The following FOXP2 variants were observed in gnomAD, a reference collection of about 807,000 sequenced individuals.
The protein encoded by FOXP2 is forkhead box protein P2.
In FOXP2, 12 loss-of-function variants were observed where a neutral mutation model predicts 115.8. The observed-to-expected ratio is 0.10, with a 90% CI of 0.07 to 0.17. The LOEUF (loss-of-function observed/expected upper bound fraction) is 0.17, where lower values mean the gene tolerates loss of function less well. FOXP2 is among the 10% of genes least tolerant of loss of function. The pLI, the probability that FOXP2 is intolerant of heterozygous loss-of-function variation, is 1.00. For synonymous variants in FOXP2, 328 were observed against 297.7 expected (o/e 1.10, Z -1.05); for missense variants, 629 against 843.5 (o/e 0.75, Z 3.15).
intron 16 of FOXP2, chr7:114,664,762 A>G (rs1408886466): frequency 3.0e-6 from 1 of 337,942 alleles, no homozygotes; most frequent in South Asian, 2.9e-5. Context: ...GTATGGTGCA[A>G]TAAGAATATT....
intron 1 of FOXP2, among the ~76,000 whole-genome samples, chr7:114,126,159 C>A (rs1338664363): frequency 2.6e-5 from 4 of 151,982 alleles, no homozygotes; most frequent in African/African-American, 4.8e-5. Context: ...AGATAACCAG[C>A]AGCCTGTAGG....
At chr7:114,660,764 T>C (rs1806816301) in intron 13 of FOXP2, among the ~76,000 whole-genome samples, 1 of 152,158 alleles carries the variant, frequency 6.6e-6, no homozygotes, top group Non-Finnish European at 1.5e-5. Context: ...AAGATTTACA[T>C]TTTCTTTTGT....
chr7:114,680,192 G>A (rs1267190836), intron 16 of FOXP2, among the ~76,000 whole-genome samples: 1 of 152,090 alleles, frequency 6.6e-6, no homozygotes, highest in Non-Finnish European at 1.5e-5. Context: ...ATTAAATTAG[G>A]AGCTGGCTAT....
At chr7:114,129,339 G>C (rs1295016306) in intron 1 of FOXP2, among the ~76,000 whole-genome samples, 13 of 152,036 alleles carry the variant, frequency 8.6e-5, no homozygotes, top group Admixed American at 7.9e-4. Flanking sequence ...CATTTGTTGA[G>C]ACCTGGAAAC....
chr7:114,357,864 G>A (rs1415360610), intron 2 of FOXP2, among the ~76,000 whole-genome samples: 1 of 151,850 alleles, frequency 6.6e-6, no homozygotes, highest in Non-Finnish European at 1.5e-5. Flanking sequence ...TATCCTTCTT[G>A]CCTTCAACCA....
chr7:114,654,847 G>A lies in FOXP2; in HGVS notation c.1266+838G>A, dbSNP rs943309855. Among the ~76,000 whole-genome samples the A allele has an allele frequency of 1.5e-4, 23 of 152,106 alleles. 1 individual carries two copies. The highest frequency in any genetic ancestry group is 1.1e-3 in the Admixed American group (17 of 15,244). ...CCCTCTATTTCTTTAGGTAAAAAAC[G>A]AACATTTGGCTTTGTAGTTGGGGAG... is the stretch of plus-strand genomic sequence containing the variant. On this transcript the variant is annotated intron_variant, in intron 10 of 16. Transcript: ENST00000350908.
At chr7:114,675,260 A>G (rs1275814555) in intron 16 of FOXP2, among the ~76,000 whole-genome samples, 1 of 152,112 alleles carries the variant, frequency 6.6e-6, no homozygotes, top group Non-Finnish European at 1.5e-5. Flanking sequence ...TTTTTATATA[A>G]GCTTCCTAAA....
At chr7:114,578,539 C>T (rs1431209957) in intron 3 of FOXP2, among the ~76,000 whole-genome samples, 1 of 152,012 alleles carries the variant, frequency 6.6e-6, no homozygotes, top group East Asian at 1.9e-4. Context: ...GTTCTTTAGT[C>T]TTGACTCATG....
Position 114,375,160 on chromosome 7 carries a change from TATA to T in FOXP2, c.-10-51339_-10-51337del, listed in dbSNP as rs533922235. On this transcript the variant is annotated intron_variant, in intron 2 of 17. Transcript: ENST00000634411. ...GTTTTAAATAGCCAAATAGGAAGCC[TATA>T]ATGTCAGTTTATACAGCATCATTAA... 1.2e-4 allele frequency among the ~76,000 whole-genome samples: 19 copies of T among 152,280 alleles called. No individual in the cohort carries two copies. In the East Asian group the frequency reaches 2.7e-3, roughly 22 times the overall value.
chr7:114,656,459 A>G, intron 10 of FOXP2: 1 of 449,718 alleles, frequency 2.2e-6, no homozygotes, highest in Non-Finnish European at 4.5e-6. Flanking sequence ...AAAGTCACAT[A>G]CAGATGCATA....
At chr7:114,260,844 TA>T (rs573172929) in intron 1 of FOXP2, among the ~76,000 whole-genome samples, 28 of 148,070 alleles carry the variant, frequency 1.9e-4, no homozygotes, top group Admixed American at 4.7e-4. Flanking sequence ...GTAATGGCAT[TA>T]AAAAAAAAAT....
At chr7:114,375,139 T>C (rs896409112) in intron 2 of FOXP2, among the ~76,000 whole-genome samples, 57 of 152,304 alleles carry the variant, frequency 3.7e-4, no homozygotes, top group African/African-American at 1.3e-3. Flanking sequence ...GTATAGGTTT[T>C]AAATAGCCAA....
At chr7:114,236,386 C>T (rs1795007536) in intron 1 of FOXP2, among the ~76,000 whole-genome samples, 1 of 152,070 alleles carries the variant, frequency 6.6e-6, no homozygotes, top group East Asian at 1.9e-4. Flanking sequence ...TATCTTAATT[C>T]TAAACATATA....
At chr7:114,229,717 G>T (rs746444081) in intron 1 of FOXP2, among the ~76,000 whole-genome samples, 7 of 151,134 alleles carry the variant, frequency 4.6e-5, no homozygotes, top group Non-Finnish European at 8.9e-5. Flanking sequence ...AACACAACAT[G>T]CCAAGACTTA....
chr7:114,241,847 A>G (rs1795163711), intron 1 of FOXP2, among the ~76,000 whole-genome samples: 1 of 151,786 alleles, frequency 6.6e-6, no homozygotes, highest in South Asian at 2.1e-4. Context: ...AAACCAAATC[A>G]TCAATATTAT....
intron 3 of FOXP2, among the ~76,000 whole-genome samples, chr7:114,595,312 A>C (rs1298563301): frequency 1.3e-5 from 2 of 152,020 alleles, no homozygotes; most frequent in East Asian, 3.9e-4. Context: ...TATTTTCTAG[A>C]ACCGATGAAG....
At chr7:114,519,658 T>C (rs571839049) in intron 2 of FOXP2, among the ~76,000 whole-genome samples, 1 of 152,248 alleles carries the variant, frequency 6.6e-6, no homozygotes, top group Admixed American at 6.5e-5. Flanking sequence ...GTGTCCTCCA[T>C]GAGAAACTAT....
At chr7:114,345,499 A>G (rs959496792) in intron 2 of FOXP2, among the ~76,000 whole-genome samples, 1 of 151,822 alleles carries the variant, frequency 6.6e-6, no homozygotes, top group Non-Finnish European at 1.5e-5. Context: ...AAGTCTGCAA[A>G]GGCATTCCTT....
At position 114,651,857 on chromosome 7, in the gene FOXP2, A is replaced by G. The variant is rs79348146; in HGVS notation, c.1095-346A>G. Among the ~76,000 whole-genome samples, 8 of 152,254 alleles carry G rather than the reference A, an allele frequency of 5.3e-5. No individual in the cohort carries two copies. In the East Asian group the frequency reaches 1.5e-3, roughly 29 times the overall value. ...GAAAATTGCCTTTGTTCTCTTCAGA[A>G]TTGCTTTTGGTTCATAGATTTGTAA... is the stretch of plus-strand genomic sequence containing the variant. On this transcript the variant is annotated intron_variant, in intron 8 of 16. Transcript: ENST00000350908.
Sources: gnomAD v4.1 joint callset for allele counts (sites outside exome capture counted in the v4.1 genomes callset) on GRCh38, gnomAD v4.1.1 for gene constraint, MANE v1.5 for transcripts, NCBI Gene and HGNC (gene_info 2026-07-23, HGNC 2026-07-21) for gene names.